PPARGC1B: variants seen among roughly 807,000 people sequenced by gnomAD.
PPARGC1B encodes PPARG coactivator 1 beta.
PPARGC1B carries 34 observed loss-of-function variants against 101.6 expected under a neutral mutation model. The ratio of observed to expected loss-of-function variants is 0.33; its 90% confidence interval spans 0.25 to 0.45. The LOEUF (loss-of-function observed/expected upper bound fraction) is 0.45. Among genes scored for constraint, PPARGC1B ranks in the 20% least tolerant of loss-of-function variants. PPARGC1B has a pLI of 1.00. For missense variants in PPARGC1B, 1,234 were observed against 1,317.6 expected (o/e 0.94, Z 0.98); for synonymous variants, 548 against 539.3 (o/e 1.02, Z -0.22).
At chr5:149,775,984 G>A (rs1238088225) in intron 1 of PPARGC1B, among the ~76,000 whole-genome samples, 1 of 149,124 alleles carries the variant, frequency 6.7e-6, no homozygotes, top group Admixed American at 7.0e-5. Flanking sequence ...TCCAAAGCCA[G>A]TATTGCCCCC....
chr5:149,822,420 C>A (rs536771325), intron 2 of PPARGC1B, among the ~76,000 whole-genome samples: 1 of 152,278 alleles, frequency 6.6e-6, no homozygotes, highest in South Asian at 2.1e-4. Context: ...ACTCCACCAG[C>A]TCTCCTGAGA....
chr5:149,739,738 T>C (rs1441809256), intron 1 of PPARGC1B, among the ~76,000 whole-genome samples: 2 of 152,212 alleles, frequency 1.3e-5, no homozygotes, highest in Admixed American at 6.5e-5. Flanking sequence ...CCACCACCCC[T>C]GGACAGACTG....
Position 149,832,895 on chromosome 5 carries a change from C to A in PPARGC1B, c.822C>A (p.Asp274Glu). 1 of 1,612,928 alleles carries A rather than the reference C, an allele frequency of 6.2e-7. No homozygotes were observed. Among genetic ancestry groups the A allele is most frequent in the Non-Finnish European group, 8.5e-7 (1 of 1,179,856 alleles). ...PRDSLALGRA[D>E]PGAPVSQEDM... ...ACTCCCTAGCTCTGGGCAGGGCAGA[C>A]CCCGGTGCCCCGGTTTCCCAGGAAG... is the stretch of plus-strand genomic sequence containing the variant. Residue 274 changes from aspartate (D) to glutamate (E), a missense_variant, in exon 5 of 12, where the codon GAC (aspartate) becomes GAA (glutamate). By Grantham distance (45) the Asp-to-Glu change is conservative (BLOSUM62 2). Coordinates refer to ENST00000309241, the MANE Select transcript of PPARGC1B (RefSeq NM_133263.4). This position sits in a 1 kb window ranked among gnomAD's most constrained non-coding sequence, Gnocchi z 4.9.
chr5:149,751,937 A>T (rs1029839666), intron 1 of PPARGC1B, among the ~76,000 whole-genome samples: 1 of 152,190 alleles, frequency 6.6e-6, no homozygotes, highest in Non-Finnish European at 1.5e-5. Flanking sequence ...CTCCTCCTTT[A>T]TAAAATGGGA....
chr5:149,810,313 T>C (rs1400009151), intron 1 of PPARGC1B, among the ~76,000 whole-genome samples: 2 of 152,222 alleles, frequency 1.3e-5, no homozygotes, highest in Non-Finnish European at 2.9e-5. Flanking sequence ...ACAAACAAAA[T>C]GAAACACTGC....
intron 1 of PPARGC1B, among the ~76,000 whole-genome samples, chr5:149,799,934 G>C (rs968876441): frequency 6.6e-6 from 1 of 151,896 alleles, no homozygotes; most frequent in Non-Finnish European, 1.5e-5. Context: ...CCTGACCTCA[G>C]GTAATTCACC....
Position 149,852,427 on chromosome 5 carries a change from T to C in PPARGC1B, c.*4869T>C, listed in dbSNP as rs1252370865. The C allele has an allele frequency of 6.6e-6, 1 of 152,194 alleles. No individual in the cohort carries two copies. Among genetic ancestry groups the C allele is most frequent in the Non-Finnish European group, 1.5e-5 (1 of 68,054 alleles). The allele number at this position is 152,194 out of a possible 1,614,324, so 9.4% of individuals were successfully genotyped here. ...ATTCCATTCTCTGACTTGACCCAGC[T>C]CCTGTTCAGGGTGAGGGTTCTCTGC... On this transcript the variant is annotated 3_prime_UTR_variant, in exon 12 of 12. Coordinates refer to ENST00000309241, the MANE Select transcript of PPARGC1B (RefSeq NM_133263.4).
downstream of PPARGC1B, chr5:149,855,121 T>G (rs1208918357): frequency 6.6e-6 from 1 of 152,200 alleles, no homozygotes; most frequent in Non-Finnish European, 1.5e-5. Flanking sequence ...CAGCGTCACC[T>G]TCTCAGATAA....
intron 1 of PPARGC1B, among the ~76,000 whole-genome samples, chr5:149,783,181 A>C (rs868469498): frequency 6.6e-6 from 1 of 152,156 alleles, no homozygotes; most frequent in Non-Finnish European, 1.5e-5. Flanking sequence ...TCAACACCCC[A>C]GAGGCCAATT....
At chr5:149,751,652 G>A (rs1439201792) in intron 1 of PPARGC1B, among the ~76,000 whole-genome samples, 1 of 151,644 alleles carries the variant, frequency 6.6e-6, no homozygotes, top group Non-Finnish European at 1.5e-5. Context: ...GTTGCAGTGA[G>A]CCAGGATTGC....
chr5:149,768,747 C>T (rs953378207), intron 1 of PPARGC1B, among the ~76,000 whole-genome samples: 1 of 152,004 alleles, frequency 6.6e-6, no homozygotes, highest in African/African-American at 2.4e-5. Context: ...AACTCCTGAC[C>T]TCAGGTGATC....
chr5:149,815,198 G>T (rs1431179758), intron 1 of PPARGC1B, among the ~76,000 whole-genome samples: 1 of 152,166 alleles, frequency 6.6e-6, no homozygotes, highest in East Asian at 1.9e-4. Flanking sequence ...CTCAAAAAAG[G>T]TGTGCTGAAG....
At chr5:149,826,996 T>C in intron 3 of PPARGC1B, 111 bp downstream of exon 3, 1 of 835,684 alleles carries the variant, frequency 1.2e-6, no homozygotes, top group Non-Finnish European at 1.9e-6. Flanking sequence ...ACTCCGTGCA[T>C]CACTGGCAAT....
rs146975098 is a variant in PPARGC1B at position 149,797,017 on chromosome 5, C to T, written c.79-23416C>T. 8.1e-3 allele frequency among the ~76,000 whole-genome samples: 1,231 copies of T among 152,292 alleles called. 15 individuals carry two copies. The highest frequency in any genetic ancestry group is 0.028 in the African/African-American group (1,146 of 41,554). ...AACTGCAGCTTATCCCTCTTCCAGC[C>T]CTAAGCTTCTGGATTAGCTTGAAGG... On this transcript the variant is annotated intron_variant, in intron 1 of 11. Transcript: ENST00000309241.
At chr5:149,835,556 A>G (rs1759019441) in intron 7 of PPARGC1B, among the ~76,000 whole-genome samples, 191 bp downstream of exon 7, 1 of 152,236 alleles carries the variant, frequency 6.6e-6, no homozygotes, top group Admixed American at 6.5e-5. Context: ...AATAGGTACC[A>G]TAAAGAAGAC....
chr5:149,799,108 G>A (rs540479136), intron 1 of PPARGC1B, among the ~76,000 whole-genome samples: 2 of 151,914 alleles, frequency 1.3e-5, no homozygotes, highest in African/African-American at 4.8e-5. Flanking sequence ...GGAGAATGGG[G>A]GACAGATTCC....
chr5:149,731,581 C>T lies in PPARGC1B; in HGVS notation c.78+1161C>T, dbSNP rs372557745. 4.1e-5 allele frequency among the ~76,000 whole-genome samples: 5 copies of T among 122,516 alleles called. No individual in the cohort carries two copies. The East Asian group carries it at 7.5e-4, about 18-fold the overall frequency. The allele number at this position is 122,516 out of a possible 152,430, so 80.4% of individuals were successfully genotyped here. A position where few individuals can be genotyped will look rare whatever the true frequency, so the allele number is the denominator to read the frequency against. ...TGGAGTGGGAGCGCCGGTGCCGGCC[C>T]GTTTTGCATAACAGTGGAAGGGAGG... On this transcript the variant is annotated intron_variant, in intron 1 of 11. Coordinates refer to ENST00000309241, the MANE Select transcript of PPARGC1B (RefSeq NM_133263.4).
In PPARGC1B at chr5:149,832,818, G is replaced by T; in HGVS notation, c.745G>T (p.Glu249Ter). ...CCGGCTCCCTGCCAAGGAGGACAAGGAGCCGGGTGAGGACTGCCCGAGCCC... is the reference window on the plus strand; with the variant it reads ...CCGGCTCCCTGCCAAGGAGGACAAGTAGCCGGGTGAGGACTGCCCGAGCCC... Reference protein sequence around the residue: ...SPRLPAKEDKEPGEDCPSPQP... With the variant: ...SPRLPAKEDK The change falls in exon 5 of 12, where the codon GAG becomes TAG. Residue 249 changes from glutamate (E) to a stop codon, truncating the protein, a stop_gained. Coordinates refer to ENST00000309241, the MANE Select transcript of PPARGC1B (RefSeq NM_133263.4). LOFTEE classifies it high-confidence loss of function. This position sits in a 1 kb window ranked among gnomAD's most constrained non-coding sequence, Gnocchi z 4.9. The T allele has an allele frequency of 6.2e-7, 1 of 1,611,594 alleles. No homozygotes were observed. The highest frequency in any genetic ancestry group is 8.5e-7 in the Non-Finnish European group (1 of 1,178,738).
At chr5:149,772,976 G>A (rs139200339) in intron 1 of PPARGC1B, among the ~76,000 whole-genome samples, 152 of 152,292 alleles carry the variant, frequency 1.0e-3, no homozygotes, top group African/African-American at 3.5e-3. Context: ...AGGTAAAGGC[G>A]CTGGCTGTGG....
Sources: gnomAD v4.1 joint callset for allele counts (sites outside exome capture counted in the v4.1 genomes callset) on GRCh38, gnomAD v4.1.1 for gene constraint, Gnocchi (gnomAD v3.1) non-coding constraint, MANE v1.5 for transcripts, NCBI Gene and HGNC (gene_info 2026-07-23, HGNC 2026-07-21) for gene names.